The following ANK2 variants were observed in gnomAD, a reference collection of about 807,000 sequenced individuals.
The protein encoded by ANK2 is ankyrin 2.
ANK2 carries 83 observed loss-of-function variants against 360.5 expected under a neutral mutation model. That is an observed-to-expected ratio of 0.23 (90% confidence interval 0.19 to 0.28). The LOEUF is 0.28. Ranked by LOEUF, ANK2 falls within the 10% of genes least tolerant of loss-of-function variation. ANK2 has a pLI of 1.00. For synonymous variants in ANK2, 1,740 were observed against 1,759.5 expected, an observed-to-expected ratio of 0.99 and a Z score of 0.28; for missense variants, 4,201 against 4,795.7, an observed-to-expected ratio of 0.88 and a Z score of 3.66.
At chr4:113,056,470 A>T (rs1183592506) in intron 1 of ANK2, among the ~76,000 whole-genome samples, 2 of 152,114 alleles carry the variant, frequency 1.3e-5, no homozygotes, top group African/African-American at 4.8e-5. Context: ...TTACAGCTTT[A>T]CTTCTGTCTT....
chr4:113,183,234 T>G (rs1584193111), intron 2 of ANK2, among the ~76,000 whole-genome samples: 1 of 149,146 alleles, frequency 6.7e-6, no homozygotes, highest in Non-Finnish European at 1.5e-5. Context: ...GGGATGGAGG[T>G]GGAGGAGGGA....
chr4:113,362,945 C>T (rs2096306537), intron 39 of ANK2, among the ~76,000 whole-genome samples: 1 of 152,178 alleles, frequency 6.6e-6, no homozygotes, highest in Admixed American at 6.5e-5. Flanking sequence ...CTCAAAACAT[C>T]ACCTATGTTA....
At chr4:113,253,404 C>T (rs748968970) in intron 10 of ANK2, among the ~76,000 whole-genome samples, 11 of 152,148 alleles carry the variant, frequency 7.2e-5, no homozygotes, top group Non-Finnish European at 1.0e-4. Flanking sequence ...GCTGGTGCCA[C>T]GAGTGTACAT....
chr4:112,790,444 G>T, the ANK2 span, among the ~76,000 whole-genome samples: 1 of 149,950 alleles, frequency 6.7e-6, no homozygotes, highest in Non-Finnish European at 1.5e-5. Flanking sequence ...CTCACAGAAG[G>T]TCTTTCTTTC....
intron 2 of ANK2, among the ~76,000 whole-genome samples, chr4:113,016,335 G>A (rs1394054082): frequency 6.6e-6 from 1 of 152,094 alleles, no homozygotes; most frequent in African/African-American, 2.4e-5. Flanking sequence ...GTACTCCGGA[G>A]GCACAAACTC....
chr4:112,934,435 C>T (rs527681536), intron 2 of ANK2, among the ~76,000 whole-genome samples: 8 of 152,142 alleles, frequency 5.3e-5, no homozygotes, highest in Non-Finnish European at 1.2e-4. Context: ...ATTACTCTCT[C>T]GACATTCTTT....
At chr4:113,266,390 A>G (rs2056054378) in intron 14 of ANK2, among the ~76,000 whole-genome samples, 1 of 152,122 alleles carries the variant, frequency 6.6e-6, no homozygotes, top group African/African-American at 2.4e-5. Flanking sequence ...AGTCTTTGCT[A>G]TTGTGAATAG....
At chr4:113,172,374 G>C (rs2098004475) in intron 1 of ANK2, among the ~76,000 whole-genome samples, 2 of 152,160 alleles carry the variant, frequency 1.3e-5, no homozygotes. Flanking sequence ...TGTGGGATAG[G>C]ATAGCAGATA....
At chr4:112,706,966 C>A in the ANK2 span, among the ~76,000 whole-genome samples, 4 of 152,024 alleles carry the variant, frequency 2.6e-5, no homozygotes, top group African/African-American at 7.2e-5. Flanking sequence ...TAGATTTTTT[C>A]CCCCCGGCTA....
Position 113,014,848 on chromosome 4 carries a change from C to CTTTT in ANK2, c.21+110359_21+110362dup, listed in dbSNP as rs530387481. Among the ~76,000 whole-genome samples the CTTTT allele has an allele frequency of 7.5e-4, 53 of 70,328 alleles. 11 individuals are homozygous for CTTTT. The highest frequency in any genetic ancestry group is 2.0e-3 in the African/African-American group (35 of 17,182). The allele number at this position is 70,328 out of a possible 152,430, so 46.1% of individuals were successfully genotyped here. On this transcript the variant is annotated intron_variant, in intron 2 of 30. Transcript: ENST00000503271. ...GTCTGTATAGATGTGGATCATAGAG[C>CTTTT]TTTTTTTTTTTTTTTTTTTTTTTTT...
chr4:113,256,170 T>C (rs2153627639), intron 11 of ANK2, among the ~76,000 whole-genome samples: 1 of 152,320 alleles, frequency 6.6e-6, no homozygotes, highest in South Asian at 2.1e-4. Flanking sequence ...AACTAGTGAG[T>C]TGCAAACAGA....
At chr4:113,341,627 A>AAT (rs2094313742) in intron 32 of ANK2, 61 bp from the exon 33 acceptor site, 7 of 1,555,698 alleles carry the variant, frequency 4.5e-6, no homozygotes, top group Non-Finnish European at 6.2e-6. Context: ...GAAGGAACTG[A>AAT]TTTTATTTTT....
intron 2 of ANK2, among the ~76,000 whole-genome samples, chr4:112,952,325 A>G (rs1332153640): frequency 6.6e-6 from 1 of 152,252 alleles, no homozygotes; most frequent in African/African-American, 2.4e-5. Flanking sequence ...TATTTTTAAT[A>G]TAACTTGTTT....
At position 113,373,325 on chromosome 4, in the gene ANK2, G is replaced by A. The variant is rs1421582181; in HGVS notation, c.11735G>A (p.Gly3912Asp). Residue 3912 changes from glycine to aspartate, a missense_variant, in exon 45 of 46, where the codon GGC (glycine) becomes GAC (aspartate). By Grantham distance (94) the Gly-to-Asp change is moderately conservative (BLOSUM62 -1). Transcript: ENST00000357077. ...KIIRRYVSSE[G>D]TEKEEIMVQG... ...ATTAGGCGGTATGTATCCTCTGAAGGCACAGAGAAAGAAGAGATTATGGTG... is the reference window on the plus strand; with the variant it reads ...ATTAGGCGGTATGTATCCTCTGAAGACACAGAGAAAGAAGAGATTATGGTG... The A allele has an allele frequency of 4.3e-6, 7 of 1,613,962 alleles. No homozygotes were observed. The highest frequency in any genetic ancestry group is 1.3e-5 in the African/African-American group (1 of 74,898).
chr4:112,885,756 C>G (rs2078148724), intron 1 of ANK2, among the ~76,000 whole-genome samples: 1 of 127,592 alleles, frequency 7.8e-6, no homozygotes, highest in Non-Finnish European at 1.5e-5. Context: ...CAGATCGCAC[C>G]ACTGCACTCC....
intron 22 of ANK2, among the ~76,000 whole-genome samples, chr4:113,299,573 T>C (rs538942843): frequency 6.6e-6 from 1 of 152,042 alleles, no homozygotes; most frequent in Non-Finnish European, 1.5e-5. Flanking sequence ...GGCGTGCTGG[T>C]GCACACCTGT....
chr4:112,826,646 G>A, intron 1 of ANK2: 2 of 1,078,344 alleles, frequency 1.9e-6, no homozygotes, highest in Non-Finnish European at 2.7e-6. Context: ...GTGAAAAACG[G>A]GTGACCACAC....
intron 1 of ANK2, among the ~76,000 whole-genome samples, chr4:112,883,107 T>C (rs2077237665): frequency 7.3e-6 from 1 of 137,812 alleles, no homozygotes; most frequent in African/African-American, 2.7e-5. Flanking sequence ...GGTGCGATCT[T>C]GGCTCACTGC....
In ANK2 at chr4:112,937,310, T is replaced by C. The variant is rs140421866; in HGVS notation, c.21+32796T>C. Among the ~76,000 whole-genome samples, 58 of 149,244 alleles carry C rather than the reference T, an allele frequency of 3.9e-4. 1 individual carries two copies. The East Asian group carries it at 0.011, about 28-fold the overall frequency. Reference sequence around the variant, plus strand: ...GATATGTGAGTATAGAATTTCTTTGTAAAACCACAATTATTGTCTTTTTTT... The same window carrying C: ...GATATGTGAGTATAGAATTTCTTTGCAAAACCACAATTATTGTCTTTTTTT... On this transcript the variant is annotated intron_variant, in intron 2 of 30. Coordinates refer to the ANK2 transcript ENST00000503271.
Sources: gnomAD v4.1 joint callset for allele counts (sites outside exome capture counted in the v4.1 genomes callset) on GRCh38, gnomAD v4.1.1 for gene constraint, MANE v1.5 for transcripts, NCBI Gene and HGNC (gene_info 2026-07-23, HGNC 2026-07-21) for gene names.